Variants in ATP10B observed in about 807,000 individuals in gnomAD.
ATP10B encodes the protein ATPase phospholipid transporting 10B (putative), also known as phospholipid-transporting ATPase VB.
In ATP10B, 122 loss-of-function variants were observed where a neutral mutation model predicts 141.2. That is an observed-to-expected ratio of 0.86 (90% confidence interval 0.75 to 1.00). ATP10B has a LOEUF of 1.00. ATP10B is among the 50% of genes least tolerant of loss of function. The pLI is 0.00. For missense variants in ATP10B, 1,876 were observed against 1,825.3 expected (o/e 1.03, Z -0.51); for synonymous variants, 685 against 692.0 (o/e 0.99, Z 0.16).
At chr5:160,748,372 C>CTA (rs1410241776) in intron 2 of ATP10B, among the ~76,000 whole-genome samples, 5 of 152,228 alleles carry the variant, frequency 3.3e-5, no homozygotes, top group African/African-American at 1.2e-4. Context: ...ATTGCTTAAT[C>CTA]TATCCACTTC....
At chr5:160,574,877 ACT>A (rs1316072836) in intron 24 of ATP10B, among the ~76,000 whole-genome samples, 1 of 149,518 alleles carries the variant, frequency 6.7e-6, no homozygotes, top group Non-Finnish European at 1.5e-5. Context: ...TGCTCACCAG[ACT>A]CTGAACCTGC....
At chr5:160,897,407 C>G in the ATP10B span, among the ~76,000 whole-genome samples, 4 of 152,160 alleles carry the variant, frequency 2.6e-5, no homozygotes, top group African/African-American at 9.7e-5. Flanking sequence ...AACAGACAAA[C>G]AGAGAGCCAA....
chr5:160,620,916 G>T lies in ATP10B; in HGVS notation c.1847C>A (p.Thr616Lys), dbSNP rs754939093. 5.0e-6 allele frequency: 8 copies of T among 1,613,958 alleles called. No homozygotes were observed. The highest frequency in any genetic ancestry group is 4.5e-5 in the East Asian group (2 of 44,898). The change falls in exon 15 of 26, where the codon ACG (threonine) becomes AAG (lysine). Residue 616 changes from threonine to lysine, a missense_variant. By Grantham distance (78) the Thr-to-Lys change is moderately conservative (BLOSUM62 -1). Coordinates refer to ENST00000327245, the MANE Select transcript of ATP10B (RefSeq NM_025153.3). ...TIKPSSKALG[T>K]SLEKIQQLFQ... ...GAGCTGCTGAATCTTCTCCAGGGAC[G>T]TCCCCAGAGCCTTGCTTGAGGGTTT...
chr5:160,598,619 GA>G (rs1756894132), intron 22 of ATP10B, 150 bp downstream of exon 22: 2 of 721,100 alleles, frequency 2.8e-6, no homozygotes, highest in Non-Finnish European at 4.7e-6. Context: ...CAGGAAAGGA[GA>G]GAGGAGTTAC....
chr5:160,824,185 T>G (rs565196254), intron 1 of ATP10B, among the ~76,000 whole-genome samples: 37 of 151,920 alleles, frequency 2.4e-4, no homozygotes, highest in Admixed American at 8.5e-4. Context: ...CCTGGCTAAT[T>G]TTTTGTATTT....
intron 2 of ATP10B, among the ~76,000 whole-genome samples, chr5:160,719,602 G>T (rs1267960022): frequency 6.6e-6 from 1 of 152,170 alleles, no homozygotes; most frequent in East Asian, 1.9e-4. Context: ...GACTGGAATG[G>T]CATAGGACAT....
intron 3 of ATP10B, among the ~76,000 whole-genome samples, chr5:160,715,760 G>A (rs933454672): frequency 7.9e-5 from 12 of 151,496 alleles, no homozygotes; most frequent in Non-Finnish European, 1.5e-5. Flanking sequence ...GGCCCAGGCT[G>A]GAGTGCAGTG....
intron 6 of ATP10B, among the ~76,000 whole-genome samples, chr5:160,671,164 CAAAAAAAA>C (rs1167788105): frequency 2.5e-4 from 6 of 23,734 alleles, no homozygotes; most frequent in African/African-American, 3.7e-4. Context: ...GACTCTGTCT[CAAAAAAAA>C]AAAAAAAAAA....
At chr5:160,699,276 T>C (rs913626415) in intron 3 of ATP10B, among the ~76,000 whole-genome samples, 1 of 152,240 alleles carries the variant, frequency 6.6e-6, no homozygotes, top group Non-Finnish European at 1.5e-5. Context: ...TGATTTCACT[T>C]AAAAATTGTT....
chr5:160,848,011 C>G (rs1259913161), intron 1 of ATP10B, among the ~76,000 whole-genome samples: 1 of 152,146 alleles, frequency 6.6e-6, no homozygotes, highest in Non-Finnish European at 1.5e-5. Flanking sequence ...TATCCCTGCA[C>G]ACTCCAGGTT....
At chr5:160,775,591 G>A (rs1770240674) in intron 2 of ATP10B, among the ~76,000 whole-genome samples, 1 of 151,094 alleles carries the variant, frequency 6.6e-6, no homozygotes, top group Non-Finnish European at 1.5e-5. Context: ...AACTATTCTT[G>A]TATGTTGCCT....
chr5:160,870,576 G>A, the ATP10B span, among the ~76,000 whole-genome samples: 1 of 151,904 alleles, frequency 6.6e-6, no homozygotes, highest in African/African-American at 2.4e-5. Context: ...TCCAAGGATG[G>A]GACAACTAAA....
the ATP10B span, among the ~76,000 whole-genome samples, chr5:160,872,147 T>C: frequency 6.6e-6 from 1 of 152,222 alleles, no homozygotes; most frequent in East Asian, 1.9e-4. Flanking sequence ...TTATTAATGT[T>C]GAGCATTTTT....
At chr5:160,589,252 T>A (rs1370681388) in intron 24 of ATP10B, among the ~76,000 whole-genome samples, 2 of 152,200 alleles carry the variant, frequency 1.3e-5, no homozygotes, top group East Asian at 3.9e-4. Context: ...CCTCAGGTGA[T>A]CTGTCCACCT....
intron 7 of ATP10B, among the ~76,000 whole-genome samples, chr5:160,669,918 T>TAAAAAA (rs776037475): frequency 1.1e-5 from 1 of 89,662 alleles, no homozygotes; most frequent in Admixed American, 1.2e-4. Context: ...CCCAGTCTCT[T>TAAAAAA]AAAAAAAAAA....
chr5:160,578,762 C>T (rs1755358104), intron 24 of ATP10B, among the ~76,000 whole-genome samples: 1 of 152,172 alleles, frequency 6.6e-6, no homozygotes, highest in African/African-American at 2.4e-5. Context: ...TGAGGAATCG[C>T]CACACTGTCT....
the ATP10B span, among the ~76,000 whole-genome samples, chr5:160,887,927 G>T: frequency 6.6e-6 from 1 of 152,166 alleles, no homozygotes; most frequent in African/African-American, 2.4e-5. Context: ...CTATGATATT[G>T]TTTGCTTACG....
the ATP10B span, among the ~76,000 whole-genome samples, chr5:160,924,392 CT>C: frequency 6.6e-6 from 1 of 152,184 alleles, no homozygotes. Flanking sequence ...ATACTGGAAT[CT>C]ACTTTAGAGT....
chr5:160,798,896 G>A (rs1772156458), intron 1 of ATP10B, among the ~76,000 whole-genome samples: 1 of 151,712 alleles, frequency 6.6e-6, no homozygotes, highest in Admixed American at 6.6e-5. Flanking sequence ...TGATTGCAGG[G>A]ATGTGCTACC....
Sources: gnomAD v4.1 joint callset for allele counts (sites outside exome capture counted in the v4.1 genomes callset) on GRCh38, gnomAD v4.1.1 for gene constraint, MANE v1.5 for transcripts, NCBI Gene and HGNC (gene_info 2026-07-23, HGNC 2026-07-21) for gene names.